Variants in UBAC2 observed in about 807,000 individuals in gnomAD.
UBAC2 encodes ubiquitin-associated domain-containing protein 2.
UBAC2 carries 26 observed loss-of-function variants against 44.0 expected under a neutral mutation model. The ratio of observed to expected loss-of-function variants is 0.59; its 90% CI spans 0.43 to 0.82. The LOEUF (loss-of-function observed/expected upper bound fraction) is 0.82. Ranked by LOEUF, UBAC2 falls within the 40% of genes least tolerant of loss-of-function variation. UBAC2 has a pLI of 0.00. For synonymous variants in UBAC2, 155 were observed against 154.3 expected (o/e 1.00, Z -0.04); for missense variants, 329 against 419.4 (o/e 0.78, Z 1.88).
At chr13:99,208,272 C>T (rs1054910084) in intron 1 of UBAC2, among the ~76,000 whole-genome samples, 4 of 152,236 alleles carry the variant, frequency 2.6e-5, no homozygotes, top group Admixed American at 6.5e-5. Flanking sequence ...CTTGGGATTA[C>T]AGGCATGAGC....
At chr13:99,233,406 C>T (rs1455664404) in intron 1 of UBAC2, among the ~76,000 whole-genome samples, 1 of 152,294 alleles carries the variant, frequency 6.6e-6, no homozygotes, top group East Asian at 1.9e-4. Flanking sequence ...CCACTGCACC[C>T]GGCCTCAGAT....
intron 4 of UBAC2, among the ~76,000 whole-genome samples, chr13:99,245,526 A>G (rs2043372615): frequency 1.3e-5 from 2 of 152,194 alleles, no homozygotes; most frequent in Admixed American, 1.3e-4. Flanking sequence ...CTAGGAGTAG[A>G]GTTGACAGAA....
intron 4 of UBAC2, among the ~76,000 whole-genome samples, chr13:99,310,224 G>A (rs1238083796): frequency 6.6e-6 from 1 of 152,214 alleles, no homozygotes; most frequent in Non-Finnish European, 1.5e-5. Context: ...TTACTCTGGA[G>A]GCTGAGGCGA....
intron 6 of UBAC2, among the ~76,000 whole-genome samples, chr13:99,328,431 A>G (rs2044670036): frequency 6.6e-6 from 1 of 152,246 alleles, no homozygotes. Context: ...TTATTTTACA[A>G]AGTGGCTCTA....
chr13:99,292,217 G>A (rs1053481382), intron 4 of UBAC2, among the ~76,000 whole-genome samples: 5 of 150,678 alleles, frequency 3.3e-5, no homozygotes. Context: ...CTCACTGCAA[G>A]CTCCGTCTCC....
intron 6 of UBAC2, among the ~76,000 whole-genome samples, chr13:99,333,338 T>G (rs1333493246): frequency 6.6e-6 from 1 of 152,270 alleles, no homozygotes; most frequent in East Asian, 1.9e-4. Flanking sequence ...GAGGTCATGC[T>G]GGCGTGCCAG....
intron 7 of UBAC2, among the ~76,000 whole-genome samples, chr13:99,347,688 C>T (rs1278100237): frequency 6.6e-6 from 1 of 151,344 alleles, no homozygotes; most frequent in Non-Finnish European, 1.5e-5. Flanking sequence ...AGACATGAGA[C>T]CTAGGTGCTG....
chr13:99,267,308 C>G (rs770918432), intron 4 of UBAC2, among the ~76,000 whole-genome samples: 19 of 152,094 alleles, frequency 1.2e-4, no homozygotes, highest in Non-Finnish European at 2.6e-4. Context: ...TCTCTTACTC[C>G]GTAGGGTGCC....
At chr13:99,343,465 G>A (rs570716233) in intron 7 of UBAC2, among the ~76,000 whole-genome samples, 1 of 152,358 alleles carries the variant, frequency 6.6e-6, no homozygotes, top group East Asian at 1.9e-4. Context: ...CCCTGCTGGA[G>A]CGTGCATTCC....
intron 4 of UBAC2, among the ~76,000 whole-genome samples, chr13:99,301,680 T>G (rs2044259550): frequency 6.6e-6 from 1 of 152,216 alleles, no homozygotes; most frequent in Non-Finnish European, 1.5e-5. Flanking sequence ...ACTCATTTAT[T>G]TAGCATCTAA....
chr13:99,314,262 C>CTTTTTTTTTTTTTTTTTTTTTTGTTTTTT (rs57005833), intron 5 of UBAC2, 42 bp downstream of exon 5: 1 of 1,062,084 alleles, frequency 9.4e-7, no homozygotes, highest in East Asian at 3.4e-5. Context: ...TTAACCAGAT[C>CTTTTTTTTTTTTTTTTTTTTTTGTTTTTT]TTTTTTTTTT....
At chr13:99,331,047 C>T (rs896487293) in intron 6 of UBAC2, among the ~76,000 whole-genome samples, 50 of 152,050 alleles carry the variant, frequency 3.3e-4, no homozygotes, top group African/African-American at 1.2e-3. Context: ...ATATTTTTTC[C>T]TTCATAAGGG....
At chr13:99,206,477 T>C (rs900880771) in intron 1 of UBAC2, among the ~76,000 whole-genome samples, 3 of 152,236 alleles carry the variant, frequency 2.0e-5, no homozygotes, top group Non-Finnish European at 4.4e-5. Context: ...CTGGCTTTGC[T>C]CACCACCATG....
At chr13:99,266,376 A>T (rs1392670931) in intron 4 of UBAC2, among the ~76,000 whole-genome samples, 2 of 152,080 alleles carry the variant, frequency 1.3e-5, no homozygotes, top group Admixed American at 1.3e-4. Flanking sequence ...AAAAAAAATC[A>T]TGGAAAAAAC....
intron 4 of UBAC2, among the ~76,000 whole-genome samples, chr13:99,264,630 A>G (rs566135250): frequency 4.0e-4 from 60 of 151,812 alleles, no homozygotes; most frequent in South Asian, 2.9e-3. Context: ...TCTGATGGTC[A>G]CTCTCCCCAG....
chr13:99,374,893 A>C (rs2045459951), intron 8 of UBAC2, among the ~76,000 whole-genome samples: 2 of 152,322 alleles, frequency 1.3e-5, no homozygotes, highest in South Asian at 4.1e-4. Flanking sequence ...CGGTCGGAGA[A>C]GGGTTGAACA....
intron 1 of UBAC2, among the ~76,000 whole-genome samples, chr13:99,226,765 G>A (rs879517069): frequency 6.6e-6 from 1 of 152,170 alleles, no homozygotes; most frequent in Non-Finnish European, 1.5e-5. Flanking sequence ...TGTTGAGCAT[G>A]TTTTCATCTC....
At chr13:99,245,989 A>G (rs918039835) in intron 4 of UBAC2, among the ~76,000 whole-genome samples, 3 of 152,218 alleles carry the variant, frequency 2.0e-5, no homozygotes, top group Non-Finnish European at 4.4e-5. Context: ...TGAAATATAG[A>G]TACCAGATAT....
In UBAC2 at chr13:99,281,525, G is replaced by A. The variant is rs943107011; in HGVS notation, c.390-32572G>A. ...GGCTCATCCCAGACACTCTGCAGGT[G>A]TGCCACTTTCTCTCCTTAGAACAGC... On this transcript the variant is annotated intron_variant, in intron 4 of 8. Coordinates refer to ENST00000403766, the MANE Select transcript of UBAC2 (RefSeq NM_001144072.2). 3.9e-5 allele frequency among the ~76,000 whole-genome samples: 6 copies of A among 152,162 alleles called. No individual in the cohort carries two copies. In the East Asian group the frequency reaches 1.2e-3, roughly 29 times the overall value.
Sources: allele counts gnomAD v4.1 joint callset (sites outside exome capture counted in the v4.1 genomes callset), GRCh38; gene constraint gnomAD v4.1.1; transcripts MANE v1.5; gene names NCBI Gene and HGNC (gene_info 2026-07-23, HGNC 2026-07-21).